The following ZNF618 variants were observed in gnomAD, a reference collection of about 807,000 sequenced individuals.
ZNF618 encodes zinc finger protein 618.
Under a neutral mutation model 103.0 loss-of-function variants are expected in ZNF618, and 34 were observed. The observed-to-expected ratio is 0.33, with a 90% CI of 0.25 to 0.44. The LOEUF is 0.44. Ranked by LOEUF, ZNF618 falls within the 20% of genes least tolerant of loss-of-function variation. The pLI, the probability that ZNF618 is intolerant of heterozygous loss-of-function variation, is 1.00. For missense variants in ZNF618, 1,059 were observed against 1,295.4 expected, an observed-to-expected ratio of 0.82 and a Z score of 2.80; for synonymous variants, 551 against 542.2, an observed-to-expected ratio of 1.02 and a Z score of -0.23.
intron 6 of ZNF618, among the ~76,000 whole-genome samples, chr9:114,006,910 G>T (rs1841802519): frequency 6.6e-6 from 1 of 152,184 alleles, no homozygotes; most frequent in South Asian, 2.1e-4. Flanking sequence ...TGTCTCTCAT[G>T]GGGCAGCTCA....
At chr9:113,925,517 AT>A (rs1232231712) in intron 1 of ZNF618, among the ~76,000 whole-genome samples, 1 of 150,490 alleles carries the variant, frequency 6.6e-6, no homozygotes, top group Non-Finnish European at 1.5e-5. Flanking sequence ...ATTTAAAGTG[AT>A]TGATATGGTA....
At chr9:114,043,264 G>C (rs1050478393) in intron 13 of ZNF618, among the ~76,000 whole-genome samples, 3 of 152,200 alleles carry the variant, frequency 2.0e-5, no homozygotes, top group Non-Finnish European at 4.4e-5. Context: ...GAGATTCTGA[G>C]CTGTAAGGTA....
intron 3 of ZNF618, among the ~76,000 whole-genome samples, chr9:113,994,964 CTG>C (rs1187856694): frequency 6.7e-6 from 1 of 149,864 alleles, no homozygotes; most frequent in African/African-American, 2.5e-5. Flanking sequence ...GGAAATAAAA[CTG>C]TGAACCAATT....
intron 2 of ZNF618, among the ~76,000 whole-genome samples, chr9:113,980,759 A>G (rs1442868612): frequency 6.6e-6 from 1 of 152,198 alleles, no homozygotes; most frequent in Admixed American, 6.5e-5. Context: ...GGGAGCACAG[A>G]GCAAAGTGAG....
chr9:113,926,573 C>T (rs1833115615), intron 1 of ZNF618, among the ~76,000 whole-genome samples: 1 of 151,666 alleles, frequency 6.6e-6, no homozygotes, highest in African/African-American at 2.4e-5. Flanking sequence ...ACTCTTTTTT[C>T]TCTGTTTTTT....
At chr9:114,036,153 G>A (rs1261577361) in intron 12 of ZNF618, 147 bp from the exon 13 acceptor site, 9 of 671,800 alleles carry the variant, frequency 1.3e-5, no homozygotes, top group African/African-American at 3.6e-5. Flanking sequence ...GTCTAGTGAC[G>A]GGGGAGGCAG....
At chr9:113,995,459 C>T (rs1204095108) in intron 3 of ZNF618, among the ~76,000 whole-genome samples, 1 of 152,112 alleles carries the variant, frequency 6.6e-6, no homozygotes, top group Non-Finnish European at 1.5e-5. Flanking sequence ...ATTAATATTT[C>T]TTATTGCTAG....
At chr9:113,951,607 GTA>G (rs71367743) in intron 1 of ZNF618, among the ~76,000 whole-genome samples, 5 of 133,016 alleles carry the variant, frequency 3.8e-5, no homozygotes, top group South Asian at 2.5e-4. Flanking sequence ...GTATATATAT[GTA>G]TATATATATA....
intron 1 of ZNF618, among the ~76,000 whole-genome samples, chr9:113,887,094 A>T (rs1829148302): frequency 6.9e-6 from 1 of 145,228 alleles, no homozygotes; most frequent in East Asian, 2.0e-4. Context: ...TGCTCCTTTT[A>T]TAGTAGAGGA....
chr9:114,035,941 C>T (rs1016254469), intron 12 of ZNF618, among the ~76,000 whole-genome samples: 1 of 152,232 alleles, frequency 6.6e-6, no homozygotes, highest in Admixed American at 6.5e-5. Context: ...GGGGCTGTGA[C>T]ACCCTGAGAC....
chr9:114,024,579 T>G (rs902038974), intron 10 of ZNF618, among the ~76,000 whole-genome samples: 4 of 152,248 alleles, frequency 2.6e-5, no homozygotes, highest in Admixed American at 6.5e-5. Flanking sequence ...ATTCTGGGGT[T>G]AGAACAGCTC....
chr9:113,997,085 T>A (rs973785865), intron 3 of ZNF618, among the ~76,000 whole-genome samples: 1 of 151,934 alleles, frequency 6.6e-6, no homozygotes, highest in African/African-American at 2.4e-5. Flanking sequence ...TTCTTCCTCT[T>A]CTTTCTTCTT....
At chr9:113,995,059 A>G (rs1395294248) in intron 3 of ZNF618, among the ~76,000 whole-genome samples, 1 of 152,180 alleles carries the variant, frequency 6.6e-6, no homozygotes, top group Non-Finnish European at 1.5e-5. Context: ...GAACAAGCCT[A>G]TCTTTAACAG....
chr9:113,922,224 G>T (rs761626588), intron 1 of ZNF618, among the ~76,000 whole-genome samples: 1 of 152,202 alleles, frequency 6.6e-6, no homozygotes, highest in Non-Finnish European at 1.5e-5. Context: ...AGGAAGAGAA[G>T]AAATTGGAAC....
At chr9:113,976,770 T>C (rs1184338539) in intron 2 of ZNF618, among the ~76,000 whole-genome samples, 1 of 152,216 alleles carries the variant, frequency 6.6e-6, no homozygotes, top group Non-Finnish European at 1.5e-5. Flanking sequence ...TGAGCTCATC[T>C]TTTTCATGGT....
chr9:113,977,595 A>C (rs1301341375), intron 2 of ZNF618, among the ~76,000 whole-genome samples: 1 of 152,146 alleles, frequency 6.6e-6, no homozygotes, highest in Admixed American at 6.5e-5. Context: ...GGGATATTCT[A>C]TCTGGGAGAC....
Position 114,050,334 on chromosome 9 carries a change from A to G in ZNF618, c.*167A>G, listed in dbSNP as rs13299092. On this transcript the variant is annotated 3_prime_UTR_variant, in exon 15 of 15. Transcript: ENST00000374126. Reference sequence around the variant, plus strand: ...TTTTTATATGTGTGTGTGTGCGTGTATGTACACAGCCACACGTGTGTGCAC... The same window carrying G: ...TTTTTATATGTGTGTGTGTGCGTGTGTGTACACAGCCACACGTGTGTGCAC... 0.39 allele frequency: 300,123 copies of G among 763,428 alleles called. 65,102 individuals are homozygous for G. Among genetic ancestry groups the G allele is most frequent in the East Asian group, 0.68 (24,665 of 36,116 alleles). The allele number at this position is 763,428 out of a possible 1,614,324, so 47.3% of individuals were successfully genotyped here.
At chr9:114,035,252 T>C in intron 12 of ZNF618, 4 of 985,968 alleles carry the variant, frequency 4.1e-6, no homozygotes, top group South Asian at 4.7e-5. Context: ...GATGGTCCCG[T>C]TGGGGGGCTG....
At chr9:113,984,432 A>C (rs1165275509) in intron 2 of ZNF618, among the ~76,000 whole-genome samples, 1 of 152,186 alleles carries the variant, frequency 6.6e-6, no homozygotes, top group Non-Finnish European at 1.5e-5. Flanking sequence ...TTAACAGACA[A>C]GGAAACAGAG....
Sources: gnomAD v4.1 joint callset for allele counts (sites outside exome capture counted in the v4.1 genomes callset) on GRCh38, gnomAD v4.1.1 for gene constraint, MANE v1.5 for transcripts, NCBI Gene and HGNC (gene_info 2026-07-23, HGNC 2026-07-21) for gene names.